The following KIFAP3 variants were observed in gnomAD, a reference collection of about 807,000 sequenced individuals.
The protein encoded by KIFAP3 is kinesin associated protein 3, also known as kinesin-associated protein 3.
In KIFAP3, 68 loss-of-function variants were observed where a neutral mutation model predicts 106.5. That is an observed-to-expected ratio of 0.64 (90% CI 0.53 to 0.78). KIFAP3 has a LOEUF of 0.78. KIFAP3 is among the 30% of genes least tolerant of loss of function. The pLI, the probability that KIFAP3 is intolerant of heterozygous loss-of-function variation, is 0.00. For synonymous variants in KIFAP3, 320 were observed against 311.5 expected (o/e 1.03, Z -0.29); for missense variants, 780 against 941.8 (o/e 0.83, Z 2.25).
intron 19 of KIFAP3, among the ~76,000 whole-genome samples, 192 bp downstream of exon 19, chr1:169,953,819 A>G (rs890698722): frequency 1.3e-5 from 2 of 152,148 alleles, no homozygotes; most frequent in African/African-American, 4.8e-5. Context: ...CGGCCTTGTG[A>G]TCTCCATTTT....
chr1:169,975,107 T>C (rs1418207888), intron 16 of KIFAP3, among the ~76,000 whole-genome samples: 1 of 152,104 alleles, frequency 6.6e-6, no homozygotes, highest in African/African-American at 2.4e-5. Context: ...TATTCTCTAT[T>C]AGAACTTTTT....
intron 11 of KIFAP3, 32 bp downstream of exon 11, chr1:169,992,123 A>G: frequency 9.4e-7 from 1 of 1,060,620 alleles, no homozygotes; most frequent in Non-Finnish European, 1.3e-6. Flanking sequence ...ATATTTGTTA[A>G]ATGTTTTTCA....
At chr1:169,930,633 T>C (rs1048290499) in intron 19 of KIFAP3, among the ~76,000 whole-genome samples, 2 of 152,212 alleles carry the variant, frequency 1.3e-5, no homozygotes, top group South Asian at 4.1e-4. Context: ...ATTAACATCA[T>C]TTAGTCCTCT....
intron 19 of KIFAP3, among the ~76,000 whole-genome samples, chr1:169,952,013 T>C (rs1013391986): frequency 6.6e-6 from 1 of 151,962 alleles, no homozygotes; most frequent in Non-Finnish European, 1.5e-5. Context: ...ACAGTATTTA[T>C]AATGATTAAA....
intron 16 of KIFAP3, among the ~76,000 whole-genome samples, chr1:169,973,759 A>T (rs1666068811): frequency 6.6e-6 from 1 of 151,816 alleles, no homozygotes; most frequent in South Asian, 2.1e-4. Context: ...ATTATTAAAG[A>T]GAAAAAATAG....
intron 1 of KIFAP3, among the ~76,000 whole-genome samples, chr1:170,081,023 A>G (rs758274728): frequency 2.6e-5 from 4 of 152,156 alleles, no homozygotes; most frequent in African/African-American, 9.7e-5. Flanking sequence ...TGCTTTAATC[A>G]TAAAACAATT....
intron 19 of KIFAP3, among the ~76,000 whole-genome samples, chr1:169,947,935 T>TA (rs1260828796): frequency 6.6e-6 from 1 of 151,210 alleles, no homozygotes; most frequent in Non-Finnish European, 1.5e-5. Flanking sequence ...AAAGTTTACT[T>TA]AGAGAACCAG....
Position 170,034,382 on chromosome 1 carries a change from C to A in KIFAP3, c.732G>T (p.Lys244Asn). Reference sequence around the variant, plus strand: ...ACTCTAAAAGGATATCAGCTTTCTTCTTCTTTGAGAGTTCTTCTTGCCAAA... The same window carrying A: ...ACTCTAAAAGGATATCAGCTTTCTTATTCTTTGAGAGTTCTTCTTGCCAAA... ...HELWQEELSK[K>N]KKAVDEDPEN... The change falls in exon 7 of 20, where the codon AAG (lysine) becomes AAT (asparagine). Residue 244 changes from lysine (K) to asparagine (N), a missense_variant. Transcript: ENST00000361580. 1 of 1,605,900 alleles carries A rather than the reference C, an allele frequency of 6.2e-7. No homozygotes were observed. Among genetic ancestry groups the A allele is most frequent in the East Asian group, 2.2e-5 (1 of 44,552 alleles).
chr1:170,016,173 T>G (rs1304145492), intron 10 of KIFAP3, among the ~76,000 whole-genome samples: 1 of 152,146 alleles, frequency 6.6e-6, no homozygotes, highest in Non-Finnish European at 1.5e-5. Flanking sequence ...GATAAAATAT[T>G]TTTTTCCTTC....
intron 10 of KIFAP3, among the ~76,000 whole-genome samples, chr1:170,006,751 T>C (rs946869807): frequency 6.6e-6 from 1 of 152,122 alleles, no homozygotes; most frequent in African/African-American, 2.4e-5. Context: ...GAGCTTAATT[T>C]TGAACCTGTT....
chr1:170,074,349 G>GAACTAGCT (rs2102184980), intron 1 of KIFAP3, 87 bp downstream of exon 1: 1 of 1,474,708 alleles, frequency 6.8e-7, no homozygotes, highest in Non-Finnish European at 9.4e-7. Context: ...CTAAACTAGC[G>GAACTAGCT]TTGCCCAGTG....
chr1:170,058,953 G>T (rs1167826896), intron 1 of KIFAP3, among the ~76,000 whole-genome samples: 5 of 151,008 alleles, frequency 3.3e-5, no homozygotes, highest in African/African-American at 1.2e-4. Flanking sequence ...CAGAAATAAA[G>T]ATGTTCTTTA....
chr1:170,019,309 G>A (rs1486044505), intron 9 of KIFAP3, among the ~76,000 whole-genome samples: 2 of 151,836 alleles, frequency 1.3e-5, no homozygotes, highest in African/African-American at 4.8e-5. Context: ...AAAGAAGAAG[G>A]GATGCTTCCC....
chr1:169,963,991 G>C (rs965713251), intron 17 of KIFAP3, among the ~76,000 whole-genome samples: 1 of 152,000 alleles, frequency 6.6e-6, no homozygotes, highest in Non-Finnish European at 1.5e-5. Context: ...AAGATCAACT[G>C]AAGATCTTTA....
chr1:169,929,136 TC>T (rs1663316828), intron 19 of KIFAP3, among the ~76,000 whole-genome samples: 1 of 152,166 alleles, frequency 6.6e-6, no homozygotes, highest in South Asian at 2.1e-4. Flanking sequence ...ATCAGGTACT[TC>T]TACAAAATTT....
chr1:170,067,366 T>C (rs1427137230), intron 1 of KIFAP3: 1 of 152,086 alleles, frequency 6.6e-6, no homozygotes, highest in Admixed American at 6.5e-5. Context: ...ACTAAAAACT[T>C]GGCAAAAAAA....
At chr1:169,972,147 AGATTT>A (rs892566399) in intron 17 of KIFAP3, among the ~76,000 whole-genome samples, 4 of 152,044 alleles carry the variant, frequency 2.6e-5, no homozygotes, top group South Asian at 2.1e-4. Context: ...AGCTGATACA[AGATTT>A]GATTTATTAA....
chr1:170,013,780 T>G (rs1031419107), intron 10 of KIFAP3, among the ~76,000 whole-genome samples: 6 of 152,168 alleles, frequency 3.9e-5, no homozygotes, highest in Non-Finnish European at 8.8e-5. Flanking sequence ...ATTCCAAGCA[T>G]TTGTCCACTC....
intron 10 of KIFAP3, among the ~76,000 whole-genome samples, chr1:170,000,132 C>T (rs1404887104): frequency 6.6e-6 from 1 of 152,046 alleles, no homozygotes; most frequent in Admixed American, 6.6e-5. Flanking sequence ...ATTCACAGTT[C>T]AGTCAAGCAG....
Sources: allele counts gnomAD v4.1 joint callset (sites outside exome capture counted in the v4.1 genomes callset), GRCh38; gene constraint gnomAD v4.1.1; transcripts MANE v1.5; gene names NCBI Gene and HGNC (gene_info 2026-07-23, HGNC 2026-07-21).